ELP6: variants seen among roughly 807,000 people sequenced by gnomAD.
ELP6 encodes the protein elongator complex protein 6.
ELP6 carries 23 observed loss-of-function variants against 28.1 expected under a neutral mutation model. The ratio of observed to expected loss-of-function variants is 0.82; its 90% confidence interval spans 0.59 to 1.16. ELP6 has a LOEUF of 1.16. ELP6 is among the 50% of genes most tolerant of loss of function. ELP6 has a pLI of 0.00. For synonymous variants in ELP6, 132 were observed against 135.8 expected, an observed-to-expected ratio of 0.97 and a Z score of 0.19; for missense variants, 313 against 334.6, an observed-to-expected ratio of 0.94 and a Z score of 0.50.
rs761582325 is a variant in ELP6 at position 47,513,570 on chromosome 3, GTTA to G, written c.18_20del (p.Asn7del). The G allele has an allele frequency of 1.2e-6, 2 of 1,613,194 alleles. No homozygotes were observed. Among genetic ancestry groups the G allele is most frequent in the Non-Finnish European group, 8.5e-7 (1 of 1,179,544 alleles). On this transcript the variant is annotated inframe_deletion, in exon 1 of 7. Transcript: ENST00000296149. The stretch of plus-strand genomic sequence containing the variant: ...CCCTGTCGGGGGTGGTGTTAAGCAG[GTTA>G]TTAAGTTCCACGAACATTCCGAGCT...
chr3:47,502,763 C>T lies in ELP6; in HGVS notation c.324-912G>A, dbSNP rs72913134. The stretch of plus-strand genomic sequence containing the variant: ...GCTGAGAAGAGAGGAGTGCTTGAGC[C>T]GAGGAAGTTGAGTTTGCAGTGAGCC... On this transcript the variant is annotated intron_variant, in intron 4 of 6. Transcript: ENST00000296149. Among the ~76,000 whole-genome samples, 604 of 151,838 alleles carry T rather than the reference C, an allele frequency of 4.0e-3. 6 individuals carry two copies. The highest frequency in any genetic ancestry group is 0.013 in the African/African-American group (529 of 41,368).
rs754550906 is a variant in ELP6, at chr3:47,501,646, G to A, written c.525+4C>T. 8.1e-6 allele frequency: 13 copies of A among 1,613,862 alleles called. No individual in the cohort carries two copies. Among genetic ancestry groups the A allele is most frequent in the Admixed American group, 1.7e-5 (1 of 59,986 alleles). On this transcript the variant is annotated splice_donor_region_variant and intron_variant, in intron 5 of 6. Coordinates refer to ENST00000296149, the MANE Select transcript of ELP6 (RefSeq NM_001031703.3). ...GGGCGCAGAGAAGGCAGTTCCATGA[G>A]TACCTTTAGTTCCCAGCACACGGTG...
intron 3 of ELP6, among the ~76,000 whole-genome samples, chr3:47,506,378 C>A (rs1003786847): frequency 6.6e-6 from 1 of 151,738 alleles, no homozygotes; most frequent in Non-Finnish European, 1.5e-5. Flanking sequence ...ATTTATTAGG[C>A]GGGAATTTCC....
At chr3:47,510,019 C>G in intron 3 of ELP6, 165 bp downstream of exon 3, 1 of 555,992 alleles carries the variant, frequency 1.8e-6, no homozygotes, top group Non-Finnish European at 3.2e-6. Context: ...CTTGGCCTCC[C>G]AAAGTGCTGG....
intron 2 of ELP6, 69 bp from the exon 3 acceptor site, chr3:47,510,323 T>C (rs922908428): frequency 1.2e-5 from 17 of 1,398,306 alleles, no homozygotes; most frequent in Middle Eastern, 2.0e-4. Flanking sequence ...TTCATACCTC[T>C]GGAAAAAAAA....
chr3:47,513,288 G>A lies in ELP6; in HGVS notation c.54+249C>T. On this transcript the variant is annotated intron_variant, in intron 1 of 6. Coordinates refer to ENST00000296149, the MANE Select transcript of ELP6 (RefSeq NM_001031703.3). ...ATTACAGGGGTGAGCCACCGCGCCC[G>A]GCCGCTTCCCAGGGACTTTTAAGGA... The A allele has an allele frequency of 2.2e-6, 3 of 1,335,274 alleles. No homozygotes were observed. The East Asian group carries it at 9.6e-5, about 43-fold the overall frequency. The allele number at this position is 1,335,274 out of a possible 1,614,324, so 82.7% of individuals were successfully genotyped here. A position where few individuals can be genotyped will look rare whatever the true frequency, so the allele number is the denominator to read the frequency against.
chr3:47,498,120 A>G lies in ELP6; in HGVS notation c.672+166T>C. On this transcript the variant is annotated intron_variant, in intron 6 of 6. Transcript: ENST00000296149. ...TGGGCTGGTCCATGAGGCTAAGCGCAATCTGGAGCAGGTCTATTACCTGAA... is the reference window on the plus strand; with the variant it reads ...TGGGCTGGTCCATGAGGCTAAGCGCGATCTGGAGCAGGTCTATTACCTGAA... The G allele has an allele frequency of 1.3e-5, 17 of 1,358,636 alleles. No homozygotes were observed. In the South Asian group the frequency reaches 2.4e-4, roughly 19 times the overall value. The allele number at this position is 1,358,636 out of a possible 1,614,324, so 84.2% of individuals were successfully genotyped here.
In ELP6 at chr3:47,513,613, T is replaced by C. The variant is rs375423626; in HGVS notation, c.-23A>G. 7.4e-6 allele frequency: 12 copies of C among 1,612,682 alleles called. No individual in the cohort carries two copies. The highest frequency in any genetic ancestry group is 9.3e-6 in the Non-Finnish European group (11 of 1,179,406). On this transcript the variant is annotated 5_prime_UTR_variant, in exon 1 of 7. Coordinates refer to ENST00000296149, the MANE Select transcript of ELP6 (RefSeq NM_001031703.3). ...CATTCCGAGCTCCTGGGACTAGCGC[T>C]CTGGAGGAGAACCCGGAGTGCTGCA...
At position 47,513,644 on chromosome 3, in the gene ELP6, G is replaced by T; in HGVS notation, c.-54C>A. 1.2e-6 allele frequency: 2 copies of T among 1,607,330 alleles called. No homozygotes were observed. The highest frequency in any genetic ancestry group is 2.2e-5 in the East Asian group (1 of 44,502). On this transcript the variant is annotated 5_prime_UTR_variant, in exon 1 of 7. It introduces an in-frame stop codon into an upstream open reading frame of the 5' UTR. Coordinates refer to ENST00000296149, the MANE Select transcript of ELP6 (RefSeq NM_001031703.3). Reference sequence around the variant, plus strand: ...GGAGAACCCGGAGTGCTGCAGAGACGACGGAGGCTGGAGAGCAAAACACAC... The same window carrying T: ...GGAGAACCCGGAGTGCTGCAGAGACTACGGAGGCTGGAGAGCAAAACACAC...
At chr3:47,512,031 C>A (rs912300092) in intron 1 of ELP6, 100 of 985,340 alleles carry the variant, frequency 1.0e-4, no homozygotes, top group Non-Finnish European at 1.2e-4. Context: ...TTACTCCATT[C>A]TTTCACCTGG....
intron 2 of ELP6, among the ~76,000 whole-genome samples, chr3:47,510,482 T>C (rs1002866407): frequency 1.3e-5 from 2 of 152,210 alleles, no homozygotes; most frequent in Non-Finnish European, 2.9e-5. Flanking sequence ...TAGGTACTTA[T>C]TATTATCATT....
Position 47,504,371 on chromosome 3 carries a change from G to A in ELP6, c.282C>T (p.Val94=). The change falls in exon 4 of 7, where the codon GTC becomes GTT. Residue 94 remains valine (V), a synonymous_variant. Coordinates refer to ENST00000296149, the MANE Select transcript of ELP6 (RefSeq NM_001031703.3). The stretch of plus-strand genomic sequence containing the variant: ...GGTGTGGCTCCTTTTGAGCCTGGAA[G>A]ACGACGTCCACTGCAGACTTGAGTC... The part of the protein sequence containing the change: ...LEGLKSAVDV[V]FQAQKEPHPL... The A allele has an allele frequency of 3.1e-6, 5 of 1,611,004 alleles. No individual in the cohort carries two copies. Among genetic ancestry groups the A allele is most frequent in the Non-Finnish European group, 4.2e-6 (5 of 1,178,348 alleles).
Position 47,501,647 on chromosome 3 carries a change from T to C in ELP6, c.525+3A>G. ...GGCGCAGAGAAGGCAGTTCCATGAG[T>C]ACCTTTAGTTCCCAGCACACGGTGG... On this transcript the variant is annotated splice_donor_region_variant and intron_variant, in intron 5 of 6. Transcript: ENST00000296149. 1 of 1,613,888 alleles carries C rather than the reference T, an allele frequency of 6.2e-7. No individual in the cohort carries two copies. The highest frequency in any genetic ancestry group is 8.5e-7 in the Non-Finnish European group (1 of 1,179,900).
At chr3:47,504,275 T>C in intron 4 of ELP6, 55 bp downstream of exon 4, 1 of 1,522,962 alleles carries the variant, frequency 6.6e-7, no homozygotes, top group Non-Finnish European at 8.8e-7. Context: ...CCAGGAACCC[T>C]GCCTGGGCCC....
At chr3:47,506,617 C>T (rs3959890) in intron 3 of ELP6, among the ~76,000 whole-genome samples, 1 of 152,232 alleles carries the variant, frequency 6.6e-6, no homozygotes, top group Non-Finnish European at 1.5e-5. Context: ...GGCTCACCAG[C>T]GGTCAGAGTT....
At chr3:47,499,354 T>TA (rs1262780458) in intron 5 of ELP6, among the ~76,000 whole-genome samples, 4 of 151,884 alleles carry the variant, frequency 2.6e-5, no homozygotes, top group African/African-American at 4.8e-5. Flanking sequence ...CCGTCTCTAC[T>TA]AAAAAAACAC....
intron 6 of ELP6, chr3:47,498,012 T>C (rs1217431597): frequency 1.0e-6 from 1 of 985,248 alleles, no homozygotes; most frequent in Non-Finnish European, 1.2e-6. Context: ...TTTGATGGCA[T>C]GCCCCTGCAT....
intron 3 of ELP6, among the ~76,000 whole-genome samples, chr3:47,505,113 A>G (rs1423242128): frequency 1.3e-5 from 2 of 151,922 alleles, no homozygotes; most frequent in African/African-American, 4.8e-5. Flanking sequence ...CTAAAAATAC[A>G]AAAATTAGCC....
intron 3 of ELP6, among the ~76,000 whole-genome samples, chr3:47,506,425 G>T (rs1186036032): frequency 1.3e-5 from 2 of 152,102 alleles, no homozygotes; most frequent in Non-Finnish European, 2.9e-5. Context: ...TGGGAGACTG[G>T]GGTCTATTTC....
Sources: gnomAD v4.1 joint callset for allele counts (sites outside exome capture counted in the v4.1 genomes callset) on GRCh38, gnomAD v4.1.1 for gene constraint, MANE v1.5 for transcripts, NCBI Gene and HGNC (gene_info 2026-07-23, HGNC 2026-07-21) for gene names.